The following SLC4A4 variants were observed in gnomAD, a reference collection of about 807,000 sequenced individuals.
SLC4A4 encodes solute carrier family 4 member 4.
A neutral mutation model predicts 111.5 loss-of-function variants in SLC4A4; 27 were observed. The observed-to-expected ratio is 0.24, with a 90% confidence interval of 0.18 to 0.33. The LOEUF is 0.33. Ranked by LOEUF, SLC4A4 falls within the 10% of genes least tolerant of loss-of-function variation. The pLI is 1.00. For missense variants in SLC4A4, 909 were observed against 1,315.5 expected (o/e 0.69, Z 4.78); for synonymous variants, 443 against 463.4 (o/e 0.96, Z 0.57).
intron 7 of SLC4A4, among the ~76,000 whole-genome samples, chr4:71,420,669 G>A (rs2149019895): frequency 6.6e-6 from 1 of 152,076 alleles, no homozygotes; most frequent in East Asian, 1.9e-4. Context: ...GAAGAGAGTG[G>A]GGGCCAATAT....
chr4:71,436,155 A>G (rs1041365870), intron 7 of SLC4A4, among the ~76,000 whole-genome samples: 7 of 152,242 alleles, frequency 4.6e-5, no homozygotes, highest in African/African-American at 1.4e-4. Context: ...CTGGGAACCA[A>G]TCCAAATGCC....
At chr4:71,075,190 A>G (rs1249604868) in intron 1 of SLC4A4, among the ~76,000 whole-genome samples, 2 of 152,212 alleles carry the variant, frequency 1.3e-5, no homozygotes, top group Admixed American at 6.5e-5. Flanking sequence ...ACTATTAACA[A>G]TGTTTTAGAT....
intron 3 of SLC4A4, among the ~76,000 whole-genome samples, chr4:71,268,392 T>C (rs968639918): frequency 2.6e-5 from 4 of 152,172 alleles, no homozygotes; most frequent in Admixed American, 6.5e-5. Flanking sequence ...ACACAAAACC[T>C]CAGCCCTGCT....
chr4:71,282,030 C>A (rs1273185772), intron 3 of SLC4A4, among the ~76,000 whole-genome samples: 1 of 150,676 alleles, frequency 6.6e-6, no homozygotes, highest in African/African-American at 2.4e-5. Flanking sequence ...TTTGTTCATG[C>A]ATACAAGTTC....
At chr4:71,534,150 C>A in intron 17 of SLC4A4, 77 bp from the exon 18 acceptor site, 1 of 1,202,168 alleles carries the variant, frequency 8.3e-7, no homozygotes, top group Non-Finnish European at 1.2e-6. Context: ...AAAAGCATGT[C>A]TTCCCGTTGG....
chr4:71,123,549 T>A (rs1034382048), intron 2 of SLC4A4, among the ~76,000 whole-genome samples: 4 of 152,204 alleles, frequency 2.6e-5, no homozygotes, highest in Admixed American at 6.5e-5. Context: ...GAAGAGCTTT[T>A]ATTAAAAGAC....
rs543446911 is a variant in SLC4A4, at chr4:71,497,509, T to C, written c.1983T>C (p.Asn661=). The change falls in exon 16 of 26, where the codon AAT becomes AAC. Residue 661 remains asparagine (N), a synonymous_variant. Coordinates refer to ENST00000264485, the MANE Select transcript of SLC4A4 (RefSeq NM_001098484.3). ...ATGTTTTTCTTCTTCAGTACCATAA[T>C]ACTACCTTTGACTGGGCATTTTTGT... ...PTMSSTDMYH[N]TTFDWAFLSK... 3.1e-6 allele frequency: 5 copies of C among 1,613,132 alleles called. No homozygotes were observed. In the East Asian group the frequency reaches 8.9e-5, roughly 29 times the overall value.
intron 3 of SLC4A4, among the ~76,000 whole-genome samples, chr4:71,278,148 G>A (rs769729545): frequency 4.0e-5 from 6 of 151,544 alleles, no homozygotes; most frequent in Non-Finnish European, 7.4e-5. Context: ...CCGTTTCTAT[G>A]GGTTTGACTT....
chr4:71,098,826 C>G (rs1742633830), intron 2 of SLC4A4, among the ~76,000 whole-genome samples: 1 of 151,986 alleles, frequency 6.6e-6, no homozygotes, highest in Admixed American at 6.6e-5. Flanking sequence ...TAATTTCAGA[C>G]AAAACAGACT....
At chr4:71,536,486 A>ATATATATATATATATATATG (rs199681803) in intron 18 of SLC4A4, among the ~76,000 whole-genome samples, 46 of 67,952 alleles carry the variant, frequency 6.8e-4, no homozygotes, top group Admixed American at 1.0e-3. Context: ...ATATATATAT[A>ATATATATATATATATATATG]TGTATATATT....
chr4:71,376,292 C>T (rs1439089447), intron 6 of SLC4A4, among the ~76,000 whole-genome samples: 1 of 150,906 alleles, frequency 6.6e-6, no homozygotes. Context: ...AGCTCTGCCT[C>T]TCGGGTTCAC....
In SLC4A4 at chr4:71,136,886, G is replaced by A. The variant is rs369003590; in HGVS notation, c.-2+44094G>A. On this transcript the variant is annotated intron_variant, in intron 2 of 26. Coordinates refer to the SLC4A4 transcript ENST00000649996. ...GCACATTACATGCTTTACATACAAA[G>A]AGGCTGTATTACTATCTCCAGGGTA... 3.3e-5 allele frequency among the ~76,000 whole-genome samples: 5 copies of A among 152,280 alleles called. No homozygotes were observed. In the East Asian group the frequency reaches 7.7e-4, roughly 24 times the overall value.
At chr4:71,257,327 A>G (rs1055363553) in intron 3 of SLC4A4, among the ~76,000 whole-genome samples, 1 of 152,206 alleles carries the variant, frequency 6.6e-6, no homozygotes, top group African/African-American at 2.4e-5. Context: ...AAAATTATTT[A>G]TAAGTATGCA....
chr4:71,209,099 T>A (rs1043873729), intron 1 of SLC4A4, among the ~76,000 whole-genome samples: 1 of 152,234 alleles, frequency 6.6e-6, no homozygotes, highest in Non-Finnish European at 1.5e-5. Context: ...TTATTCTGCA[T>A]GATCAGAATA....
intron 2 of SLC4A4, among the ~76,000 whole-genome samples, chr4:71,152,655 G>A (rs1744339417): frequency 6.6e-6 from 1 of 151,920 alleles, no homozygotes; most frequent in Non-Finnish European, 1.5e-5. Flanking sequence ...TTTCCAATCA[G>A]CTTCCTCAGG....
At chr4:71,252,052 T>C (rs192023056) in intron 2 of SLC4A4, among the ~76,000 whole-genome samples, 1 of 152,316 alleles carries the variant, frequency 6.6e-6, no homozygotes, top group East Asian at 1.9e-4. Context: ...ATTTTAAAAA[T>C]AGTCATCAGT....
chr4:71,177,550 T>A (rs564316279), intron 2 of SLC4A4, among the ~76,000 whole-genome samples: 3 of 152,162 alleles, frequency 2.0e-5, no homozygotes, highest in Non-Finnish European at 4.4e-5. Flanking sequence ...TAAAGCAGAC[T>A]TTAAACCAAC....
chr4:71,201,842 C>G (rs1357497227), intron 1 of SLC4A4, among the ~76,000 whole-genome samples: 3 of 152,150 alleles, frequency 2.0e-5, no homozygotes, highest in African/African-American at 7.2e-5. Flanking sequence ...TTAATTTTTA[C>G]CAGAAGAAAG....
chr4:71,395,814 T>G (rs1344943923), intron 6 of SLC4A4, among the ~76,000 whole-genome samples: 1 of 152,210 alleles, frequency 6.6e-6, no homozygotes, highest in Non-Finnish European at 1.5e-5. Context: ...ATATAAATTA[T>G]TTGATGATTA....
Sources: allele counts gnomAD v4.1 joint callset (sites outside exome capture counted in the v4.1 genomes callset), GRCh38; gene constraint gnomAD v4.1.1; transcripts MANE v1.5; gene names NCBI Gene and HGNC (gene_info 2026-07-23, HGNC 2026-07-21).